Variants in PCCA observed in about 807,000 individuals in gnomAD.
PCCA encodes the protein propionyl-CoA carboxylase alpha chain, mitochondrial.
PCCA carries 74 observed loss-of-function variants against 101.3 expected under a neutral mutation model. The observed-to-expected ratio is 0.73, with a 90% CI of 0.61 to 0.89. The LOEUF is 0.89. Among genes scored for constraint, PCCA ranks in the 40% least tolerant of loss-of-function variants. The pLI is 0.00. For missense variants in PCCA, 891 were observed against 907.0 expected (o/e 0.98, Z 0.23); for synonymous variants, 294 against 313.6 (o/e 0.94, Z 0.66).
intron 22 of PCCA, chr13:100,527,243 CAAAAG>C (rs764362185): frequency 1.3e-5 from 6 of 463,610 alleles, no homozygotes; most frequent in African/African-American, 2.0e-5. Context: ...TTATCACTCT[CAAAAG>C]AAACCCTGTA....
At chr13:100,367,479 T>TTGTG (rs151316391) in intron 18 of PCCA, among the ~76,000 whole-genome samples, 38 of 149,554 alleles carry the variant, frequency 2.5e-4, no homozygotes, top group Non-Finnish European at 4.6e-4. Flanking sequence ...ATTTAGGGTT[T>TTGTG]TGTGTGTGTG....
intron 6 of PCCA, among the ~76,000 whole-genome samples, chr13:100,162,034 G>T (rs1209013986): frequency 6.6e-6 from 1 of 151,782 alleles, no homozygotes; most frequent in Non-Finnish European, 1.5e-5. Flanking sequence ...CCCAATTTAA[G>T]TCTTTAGAGG....
At chr13:100,163,144 TA>T (rs2054664311) in intron 6 of PCCA, among the ~76,000 whole-genome samples, 1 of 152,194 alleles carries the variant, frequency 6.6e-6, no homozygotes, top group South Asian at 2.1e-4. Context: ...CAGATACTTT[TA>T]GGGCTTGTGG....
chr13:100,473,598 C>G (rs1480499539), intron 21 of PCCA, among the ~76,000 whole-genome samples: 1 of 152,184 alleles, frequency 6.6e-6, no homozygotes, highest in Non-Finnish European at 1.5e-5. Flanking sequence ...CATCTCTAGT[C>G]CCAGTGATGC....
chr13:100,320,888 A>T (rs1333868647), intron 16 of PCCA, among the ~76,000 whole-genome samples: 1 of 152,078 alleles, frequency 6.6e-6, no homozygotes, highest in African/African-American at 2.4e-5. Flanking sequence ...AGTAGCTGGG[A>T]CTACAGATGT....
intron 20 of PCCA, among the ~76,000 whole-genome samples, chr13:100,430,783 C>A (rs1234656123): frequency 6.6e-6 from 1 of 152,138 alleles, no homozygotes; most frequent in African/African-American, 2.4e-5. Flanking sequence ...TCCTGCATGG[C>A]AAGGCCAGGT....
intron 11 of PCCA, among the ~76,000 whole-genome samples, chr13:100,271,708 A>G (rs1315694027): frequency 3.3e-5 from 5 of 152,246 alleles, no homozygotes; most frequent in East Asian, 1.9e-4. Flanking sequence ...AGTGGATATT[A>G]AATGCTTTTA....
intron 21 of PCCA, among the ~76,000 whole-genome samples, chr13:100,488,620 GTTTTTTTGTTTTGTTTTTTTT>G (rs1401357061): frequency 2.5e-5 from 3 of 121,670 alleles, no homozygotes; most frequent in African/African-American, 9.7e-5. Context: ...TACAAGTTTT[GTTTTTTTGTTTTGTTTTTTTT>G]TTGTTTTTTT....
intron 20 of PCCA, among the ~76,000 whole-genome samples, chr13:100,444,602 C>T (rs936637753): frequency 6.6e-6 from 1 of 151,930 alleles, no homozygotes; most frequent in Non-Finnish European, 1.5e-5. Flanking sequence ...GCCACCATGC[C>T]CAGCTAATTT....
chr13:100,528,103 T>C (rs2088006467), intron 23 of PCCA, among the ~76,000 whole-genome samples: 1 of 152,180 alleles, frequency 6.6e-6, no homozygotes, highest in African/African-American at 2.4e-5. Flanking sequence ...CAGCAAATGG[T>C]TTTACAAATT....
chr13:100,515,052 C>T (rs2086729474), intron 21 of PCCA, among the ~76,000 whole-genome samples: 1 of 152,222 alleles, frequency 6.6e-6, no homozygotes, highest in Admixed American at 6.5e-5. Flanking sequence ...TCACCTCCTC[C>T]ATCCCCTGGG....
chr13:100,497,964 G>A (rs2085392778), intron 21 of PCCA, among the ~76,000 whole-genome samples: 1 of 151,772 alleles, frequency 6.6e-6, no homozygotes, highest in South Asian at 2.1e-4. Flanking sequence ...CGAACTACCG[G>A]GCTCAGTTGA....
At chr13:100,194,378 A>G (rs2057953728) in intron 6 of PCCA, among the ~76,000 whole-genome samples, 1 of 152,226 alleles carries the variant, frequency 6.6e-6, no homozygotes, top group African/African-American at 2.4e-5. Context: ...CACACAATTC[A>G]GAGAATATAC....
At chr13:100,297,529 C>G (rs2065652133) in intron 12 of PCCA, among the ~76,000 whole-genome samples, 1 of 152,140 alleles carries the variant, frequency 6.6e-6, no homozygotes, top group African/African-American at 2.4e-5. Flanking sequence ...TTGCATTTGA[C>G]AAGCTTGGTT....
At chr13:100,314,315 C>G (rs564274474) in intron 16 of PCCA, among the ~76,000 whole-genome samples, 1 of 152,258 alleles carries the variant, frequency 6.6e-6, no homozygotes, top group Admixed American at 6.5e-5. Flanking sequence ...TCCAGGTGCA[C>G]CACCCTCCAT....
intron 12 of PCCA, among the ~76,000 whole-genome samples, chr13:100,288,091 G>A (rs2064829660): frequency 6.6e-6 from 1 of 152,064 alleles, no homozygotes. Context: ...GTTTGATTAA[G>A]AAAGAGATAG....
intron 9 of PCCA, 81 bp downstream of exon 9, chr13:100,257,754 A>G (rs762535502): frequency 2.1e-6 from 2 of 932,766 alleles, no homozygotes; most frequent in Non-Finnish European, 3.5e-6. Context: ...AACAGATACC[A>G]AAAGCATAAT....
chr13:100,111,533 C>G (rs2048322624), intron 2 of PCCA, among the ~76,000 whole-genome samples: 1 of 152,088 alleles, frequency 6.6e-6, no homozygotes, highest in African/African-American at 2.4e-5. Context: ...GTAGATACCC[C>G]CATTGTGAAT....
intron 12 of PCCA, chr13:100,293,233 T>C (rs1332719704): frequency 2.1e-6 from 1 of 471,716 alleles, no homozygotes; most frequent in Non-Finnish European, 4.4e-6. Context: ...AGGAGGAATC[T>C]ACTTTTACCA....
Sources: allele counts gnomAD v4.1 joint callset (sites outside exome capture counted in the v4.1 genomes callset), GRCh38; gene constraint gnomAD v4.1.1; transcripts MANE v1.5; gene names NCBI Gene and HGNC (gene_info 2026-07-23, HGNC 2026-07-21).